Variants in KCNIP4 observed in about 807,000 individuals in gnomAD.
KCNIP4 encodes potassium voltage-gated channel interacting protein 4.
KCNIP4 carries 12 observed loss-of-function variants against 34.0 expected under a neutral mutation model. The observed-to-expected ratio is 0.35, with a 90% CI of 0.23 to 0.57. The LOEUF (loss-of-function observed/expected upper bound fraction) is 0.57. Among genes scored for constraint, KCNIP4 ranks in the 20% least tolerant of loss-of-function variants. The pLI is 0.83. For missense variants in KCNIP4, 238 were observed against 311.7 expected (o/e 0.76, Z 1.78); for synonymous variants, 124 against 102.2 (o/e 1.21, Z -1.29).
In KCNIP4 at chr4:21,433,535, T is replaced by C. The variant is rs78853898; in HGVS notation, c.61+515036A>G. On this transcript the variant is annotated intron_variant, in intron 1 of 8. Transcript: ENST00000382152. The stretch of plus-strand genomic sequence containing the variant: ...TAACCCGCAATGTGAAGAAGAGCTA[T>C]AGCTTCAGCCAATTTAGATCAGACA... 8.3e-3 allele frequency among the ~76,000 whole-genome samples: 1,267 copies of C among 152,356 alleles called. 18 individuals are homozygous for C. Among genetic ancestry groups the C allele is most frequent in the African/African-American group, 0.029 (1,187 of 41,586 alleles).
intron 1 of KCNIP4, among the ~76,000 whole-genome samples, chr4:21,863,417 G>A (rs945130002): frequency 6.6e-6 from 1 of 152,126 alleles, no homozygotes; most frequent in Non-Finnish European, 1.5e-5. Context: ...AACCTGAACT[G>A]TCAAATATGT....
intron 1 of KCNIP4, among the ~76,000 whole-genome samples, chr4:21,709,148 A>T (rs1713521557): frequency 6.6e-6 from 1 of 152,158 alleles, no homozygotes; most frequent in South Asian, 2.1e-4. Context: ...AACAATTGTG[A>T]GTCTGGGGTA....
intron 1 of KCNIP4, among the ~76,000 whole-genome samples, chr4:21,144,891 C>T (rs1012821684): frequency 1.3e-5 from 2 of 151,886 alleles, no homozygotes; most frequent in Admixed American, 6.6e-5. Flanking sequence ...TTTCTTCTCA[C>T]ACTAATAGCA....
chr4:20,924,366 T>G (rs1008610650), intron 1 of KCNIP4, among the ~76,000 whole-genome samples: 1 of 152,224 alleles, frequency 6.6e-6, no homozygotes, highest in Non-Finnish European at 1.5e-5. Context: ...ACGATCTTTG[T>G]GTCAGATGAA....
At chr4:21,609,659 TAGAGAA>T (rs1352350975) in intron 1 of KCNIP4, among the ~76,000 whole-genome samples, 1 of 151,904 alleles carries the variant, frequency 6.6e-6, no homozygotes, top group Non-Finnish European at 1.5e-5. Flanking sequence ...TCATGGAAAA[TAGAGAA>T]AAGAGAAGAA....
chr4:20,848,357 G>GA (rs919880824), intron 3 of KCNIP4, among the ~76,000 whole-genome samples: 6 of 150,856 alleles, frequency 4.0e-5, no homozygotes, highest in Non-Finnish European at 7.4e-5. Context: ...CAGAAGAGGT[G>GA]AAAAAAAGGA....
At chr4:21,778,922 T>C (rs61097419) in intron 1 of KCNIP4, among the ~76,000 whole-genome samples, 1,864 of 152,170 alleles carry the variant, frequency 0.012, 39 homozygotes, top group African/African-American at 0.043. Flanking sequence ...ATGAGGAAGG[T>C]ACTAATTGCA....
rs193289507 is a variant in KCNIP4, at chr4:21,035,348, T to G, written c.62-152639A>C. Among the ~76,000 whole-genome samples the G allele has an allele frequency of 9.2e-5, 14 of 152,294 alleles. No individual in the cohort carries two copies. The East Asian group carries it at 2.7e-3, about 29-fold the overall frequency. ...TGTGACATCCTACTAATCATTCAAA[T>G]GAAAAAGTAGAGTGGTTGAAGTCAC... On this transcript the variant is annotated intron_variant, in intron 1 of 8. Transcript: ENST00000382152.
chr4:21,093,864 C>T (rs1386277769), intron 1 of KCNIP4, among the ~76,000 whole-genome samples: 1 of 152,090 alleles, frequency 6.6e-6, no homozygotes, highest in Non-Finnish European at 1.5e-5. Context: ...GGGAGGATCA[C>T]AAGGTGAGGA....
intron 7 of KCNIP4, 30 bp from the exon 8 acceptor site, chr4:20,732,098 T>C: frequency 1.3e-6 from 2 of 1,497,564 alleles, no homozygotes; most frequent in Non-Finnish European, 1.9e-6. Context: ...AAATTGTATT[T>C]AGACTTATCC....
chr4:20,890,543 ATTAAG>A (rs775720485), intron 1 of KCNIP4, among the ~76,000 whole-genome samples: 7 of 152,138 alleles, frequency 4.6e-5, no homozygotes, highest in Non-Finnish European at 1.0e-4. Flanking sequence ...TTATTAATTT[ATTAAG>A]TTAATGTTTA....
intron 2 of KCNIP4, among the ~76,000 whole-genome samples, chr4:20,851,469 T>C (rs1304058223): frequency 1.3e-5 from 2 of 152,210 alleles, no homozygotes; most frequent in Non-Finnish European, 2.9e-5. Flanking sequence ...GACTTTCCTA[T>C]TGTGAATAGT....
chr4:21,024,546 A>G (rs1380778679), intron 1 of KCNIP4, among the ~76,000 whole-genome samples: 2 of 152,234 alleles, frequency 1.3e-5, no homozygotes, highest in African/African-American at 2.4e-5. Context: ...AAATATTTTT[A>G]AAGCTTACAT....
chr4:21,380,566 A>T (rs538236569), intron 1 of KCNIP4, among the ~76,000 whole-genome samples: 1 of 152,078 alleles, frequency 6.6e-6, no homozygotes, highest in Non-Finnish European at 1.5e-5. Flanking sequence ...GATTTTTGAC[A>T]GTTATTGATG....
intron 1 of KCNIP4, among the ~76,000 whole-genome samples, chr4:21,535,842 C>G (rs1288949948): frequency 2.6e-5 from 4 of 152,114 alleles, no homozygotes; most frequent in Non-Finnish European, 5.9e-5. Flanking sequence ...TGTGGATTAT[C>G]TAGATCAACA....
intron 1 of KCNIP4, among the ~76,000 whole-genome samples, chr4:21,504,475 A>AAAAAAAAGAAAGAAAGAAAGAAAG (rs1264431211): frequency 9.8e-6 from 1 of 101,852 alleles, no homozygotes; most frequent in African/African-American, 3.9e-5. Flanking sequence ...CAAAAAAAAA[A>AAAAAAAAGAAAGAAAGAAAGAAAG]AAAGAAAGAA....
intron 1 of KCNIP4, among the ~76,000 whole-genome samples, chr4:21,409,829 G>A (rs924807665): frequency 6.6e-6 from 1 of 152,152 alleles, no homozygotes; most frequent in Non-Finnish European, 1.5e-5. Context: ...AACTTTTCAT[G>A]GGGAATTTGA....
Position 21,691,496 on chromosome 4 carries a change from G to A in KCNIP4, c.61+257075C>T, listed in dbSNP as rs114086265. On this transcript the variant is annotated intron_variant, in intron 1 of 8. Coordinates refer to ENST00000382152, the MANE Select transcript of KCNIP4 (RefSeq NM_025221.6). ...TCACTTTATCAAATTCTTTTCTGGA[G>A]TGTAAGATCTCATTCCTGCCAGAAA... 4.7e-3 allele frequency among the ~76,000 whole-genome samples: 711 copies of A among 152,186 alleles called. 9 individuals carry two copies. Among genetic ancestry groups the A allele is most frequent in the African/African-American group, 0.016 (681 of 41,530 alleles).
chr4:21,270,986 CAAAA>C (rs370059673), intron 1 of KCNIP4, among the ~76,000 whole-genome samples: 3 of 111,336 alleles, frequency 2.7e-5, no homozygotes. Context: ...TCCCTGTCCC[CAAAA>C]AAAAAAAAAA....
Sources: allele counts gnomAD v4.1 joint callset (sites outside exome capture counted in the v4.1 genomes callset), GRCh38; gene constraint gnomAD v4.1.1; transcripts MANE v1.5; gene names NCBI Gene and HGNC (gene_info 2026-07-23, HGNC 2026-07-21).